Variants in GULP1 observed in about 807,000 individuals in gnomAD.
GULP1 encodes the protein PTB domain-containing engulfment adapter protein 1.
GULP1 carries 19 observed loss-of-function variants against 40.9 expected under a neutral mutation model. The observed-to-expected ratio is 0.46, with a 90% confidence interval of 0.32 to 0.68. The LOEUF (loss-of-function observed/expected upper bound fraction) is 0.68, where lower values mean the gene tolerates loss of function less well. Among genes scored for constraint, GULP1 ranks in the 30% least tolerant of loss-of-function variants. The pLI, the probability that GULP1 is intolerant of heterozygous loss-of-function variation, is 0.03. For synonymous variants in GULP1, 119 were observed against 117.6 expected, an observed-to-expected ratio of 1.01 and a Z score of -0.08; for missense variants, 312 against 362.2, an observed-to-expected ratio of 0.86 and a Z score of 1.12.
At chr2:188,317,146 C>T (rs1284797185) in intron 1 of GULP1, among the ~76,000 whole-genome samples, 1 of 152,076 alleles carries the variant, frequency 6.6e-6, no homozygotes, top group Non-Finnish European at 1.5e-5. Flanking sequence ...TGTATGTAGC[C>T]CTGCACAATC....
chr2:188,456,859 G>A (rs892375014), intron 2 of GULP1, among the ~76,000 whole-genome samples: 2 of 152,144 alleles, frequency 1.3e-5, no homozygotes, highest in Admixed American at 6.5e-5. Flanking sequence ...GGGTACAGAC[G>A]TGGAGCTGCC....
intron 7 of GULP1, among the ~76,000 whole-genome samples, chr2:188,552,901 A>ATC (rs371612778): frequency 4.1e-4 from 62 of 150,012 alleles, no homozygotes; most frequent in Non-Finnish European, 4.7e-4. Flanking sequence ...ATATGTGTTT[A>ATC]TCTCTCTCTA....
Position 188,541,194 on chromosome 2 carries a change from A to G in GULP1, c.275A>G (p.Asn92Ser), listed in dbSNP as rs1690392660. The part of the protein sequence containing the change: ...LEPKTKEVQH[N>S]CQLHRISFCA... ...CTGTGTTCACAGGAAGTTCAACACAATTGCCAGCTTCATAGAATATCTTTT... is the reference window on the plus strand; with the variant it reads ...CTGTGTTCACAGGAAGTTCAACACAGTTGCCAGCTTCATAGAATATCTTTT... Residue 92 changes from asparagine (N) to serine (S), a missense_variant, in exon 7 of 12, where the codon AAT becomes AGT. Physicochemically the swap from Asn to Ser is conservative, Grantham distance 46. Coordinates refer to ENST00000409830, the MANE Select transcript of GULP1 (RefSeq NM_016315.4). The G allele has an allele frequency of 6.2e-7, 1 of 1,613,032 alleles. No homozygotes were observed. Among genetic ancestry groups the G allele is most frequent in the Non-Finnish European group, 8.5e-7 (1 of 1,179,202 alleles).
intron 4 of GULP1, among the ~76,000 whole-genome samples, chr2:188,504,682 G>T (rs964235879): frequency 1.3e-4 from 20 of 151,814 alleles, no homozygotes; most frequent in African/African-American, 4.8e-4. Flanking sequence ...TTGAAATTTA[G>T]TGAACTATCA....
At chr2:188,478,352 T>C (rs1013351160) in intron 3 of GULP1, among the ~76,000 whole-genome samples, 3 of 152,094 alleles carry the variant, frequency 2.0e-5, no homozygotes, top group Admixed American at 1.3e-4. Context: ...GATGCACTTA[T>C]AAAGAAAGAT....
intron 2 of GULP1, among the ~76,000 whole-genome samples, chr2:188,400,949 G>A (rs950125437): frequency 6.6e-6 from 1 of 151,428 alleles, no homozygotes; most frequent in Admixed American, 6.6e-5. Context: ...GTGTGTGTGT[G>A]TGTGTGTGTG....
At chr2:188,366,588 CTTTTTTTTTTT>C (rs34745549) in intron 1 of GULP1, among the ~76,000 whole-genome samples, 1 of 84,064 alleles carries the variant, frequency 1.2e-5, no homozygotes, top group Non-Finnish European at 2.2e-5. Context: ...CAGTTACTTT[CTTTTTTTTTTT>C]TTTTTTTTTT....
chr2:188,494,988 G>A (rs542278887), intron 4 of GULP1, among the ~76,000 whole-genome samples: 27 of 152,098 alleles, frequency 1.8e-4, no homozygotes, highest in African/African-American at 6.5e-4. Context: ...TGACTCAAGG[G>A]TTTTTGTGGT....
intron 4 of GULP1, among the ~76,000 whole-genome samples, chr2:188,521,573 A>G (rs943272502): frequency 1.1e-4 from 16 of 152,246 alleles, no homozygotes; most frequent in Middle Eastern, 6.8e-3. Flanking sequence ...GAGCTTGTGT[A>G]AGGGAATACC....
intron 1 of GULP1, among the ~76,000 whole-genome samples, chr2:188,359,634 G>A (rs1257793903): frequency 6.6e-6 from 1 of 152,098 alleles, no homozygotes; most frequent in Non-Finnish European, 1.5e-5. Context: ...TGGCTTTATA[G>A]TTAGTTGTAA....
intron 2 of GULP1, among the ~76,000 whole-genome samples, chr2:188,449,016 T>C (rs1372934852): frequency 6.6e-6 from 1 of 152,144 alleles, no homozygotes; most frequent in Non-Finnish European, 1.5e-5. Context: ...AAAACCTATT[T>C]TCTTTATTAA....
At position 188,528,436 on chromosome 2, in the gene GULP1, G is replaced by A. The variant is rs1286031257; in HGVS notation, c.163-661G>A. 3.3e-5 allele frequency among the ~76,000 whole-genome samples: 5 copies of A among 151,306 alleles called. No homozygotes were observed. In the East Asian group the frequency reaches 5.8e-4, roughly 18 times the overall value. ...TTCTTTTTGATTTTATAACAGAATC[G>A]AACAAGCATTTACATACACCTACTA... On this transcript the variant is annotated intron_variant, in intron 5 of 11. Transcript: ENST00000409830.
intron 2 of GULP1, among the ~76,000 whole-genome samples, chr2:188,433,373 A>G (rs189523399): frequency 6.4e-4 from 97 of 152,270 alleles, no homozygotes; most frequent in Admixed American, 6.2e-3. Context: ...TGTTTATGCA[A>G]CGGACAGTCC....
intron 4 of GULP1, among the ~76,000 whole-genome samples, chr2:188,520,421 A>G (rs1424866239): frequency 1.3e-5 from 2 of 151,638 alleles, no homozygotes; most frequent in African/African-American, 2.4e-5. Flanking sequence ...CTGTAATCCC[A>G]GCTGAGGCTG....
At chr2:188,395,566 A>G (rs1347267288) in intron 2 of GULP1, among the ~76,000 whole-genome samples, 2 of 152,134 alleles carry the variant, frequency 1.3e-5, no homozygotes, top group African/African-American at 4.8e-5. Flanking sequence ...CTGGCAGTGC[A>G]TTTGTGCCTT....
intron 6 of GULP1, among the ~76,000 whole-genome samples, chr2:188,535,019 GTTA>G (rs1688556518): frequency 6.6e-6 from 1 of 150,610 alleles, no homozygotes; most frequent in Admixed American, 6.6e-5. Context: ...ATAATAAATT[GTTA>G]TTAATAATTA....
chr2:188,385,212 A>C (rs1427201919), intron 2 of GULP1, among the ~76,000 whole-genome samples: 1 of 152,296 alleles, frequency 6.6e-6, no homozygotes, highest in Admixed American at 6.5e-5. Context: ...ATCTTCTGAA[A>C]TCTAGGCAGA....
At chr2:188,470,468 G>A (rs1047024620) in intron 2 of GULP1, among the ~76,000 whole-genome samples, 1 of 151,974 alleles carries the variant, frequency 6.6e-6, no homozygotes, top group African/African-American at 2.4e-5. Context: ...AGTTTGGGTT[G>A]CTCTTGTTTT....
chr2:188,437,200 C>T (rs965469935), intron 2 of GULP1, among the ~76,000 whole-genome samples: 1 of 151,996 alleles, frequency 6.6e-6, no homozygotes, highest in Non-Finnish European at 1.5e-5. Context: ...CTTATGCTTT[C>T]CAGGTTACAT....
Sources: gnomAD v4.1 joint callset for allele counts (sites outside exome capture counted in the v4.1 genomes callset) on GRCh38, gnomAD v4.1.1 for gene constraint, MANE v1.5 for transcripts, NCBI Gene and HGNC (gene_info 2026-07-23, HGNC 2026-07-21) for gene names.